Variants in GRIK1 observed in about 807,000 individuals in gnomAD.
GRIK1 encodes glutamate ionotropic receptor kainate type subunit 1.
GRIK1 carries 69 observed loss-of-function variants against 105.7 expected under a neutral mutation model. The observed-to-expected ratio is 0.65, with a 90% CI of 0.54 to 0.80. GRIK1 has a LOEUF of 0.80. Ranked by LOEUF, GRIK1 falls within the 30% of genes least tolerant of loss-of-function variation. The pLI, the probability that GRIK1 is intolerant of heterozygous loss-of-function variation, is 0.00. For missense variants in GRIK1, 1,109 were observed against 1,167.3 expected, an observed-to-expected ratio of 0.95 and a Z score of 0.73; for synonymous variants, 438 against 431.3, an observed-to-expected ratio of 1.02 and a Z score of -0.19.
Position 29,555,095 on chromosome 21 carries a change from C to T in GRIK1, c.2564G>A (p.Gly855Glu). 6.2e-7 allele frequency: 1 copy of T among 1,610,112 alleles called. No individual in the cohort carries two copies. The highest frequency in any genetic ancestry group is 8.5e-7 in the Non-Finnish European group (1 of 1,176,352). ...CTTCCGTGATTTGTATATGAATTCTCCAATAGCTACAAATACAGAAAGGAC... is the reference window on the plus strand; with the variant it reads ...CTTCCGTGATTTGTATATGAATTCTTCAATAGCTACAAATACAGAAAGGAC... ...GLVLSVFVAI[G>E]EFIYKSRKNN... Residue 855 changes from glycine (G) to glutamate (E), a missense_variant, in exon 16 of 18, where the codon GGA becomes GAA. By Grantham distance (98) the Gly-to-Glu change is moderately conservative. Transcript: ENST00000327783.
chr21:29,858,087 G>A (rs2068518487), intron 1 of GRIK1, among the ~76,000 whole-genome samples: 1 of 152,092 alleles, frequency 6.6e-6, no homozygotes, highest in Non-Finnish European at 1.5e-5. Flanking sequence ...TTTTAGTAGA[G>A]AAGGGTTTCA....
chr21:29,918,106 A>G (rs1435151959), intron 1 of GRIK1, among the ~76,000 whole-genome samples: 1 of 152,078 alleles, frequency 6.6e-6, no homozygotes, highest in Non-Finnish European at 1.5e-5. Flanking sequence ...GAACCTGGTT[A>G]TATAATTTAT....
At chr21:29,591,978 G>T (rs756263084) in intron 9 of GRIK1, among the ~76,000 whole-genome samples, 1 of 152,182 alleles carries the variant, frequency 6.6e-6, no homozygotes, top group Non-Finnish European at 1.5e-5. Flanking sequence ...TTGGGTTCAG[G>T]AAGTCAAGAT....
At chr21:29,866,171 A>G (rs548581475) in intron 1 of GRIK1, among the ~76,000 whole-genome samples, 13 of 152,118 alleles carry the variant, frequency 8.5e-5, no homozygotes, top group East Asian at 1.9e-4. Context: ...GGTTCAATCA[A>G]TCTCCCATCT....
chr21:29,640,296 G>A (rs1427166942), intron 7 of GRIK1, among the ~76,000 whole-genome samples: 1 of 152,012 alleles, frequency 6.6e-6, no homozygotes, highest in Non-Finnish European at 1.5e-5. Flanking sequence ...TTTCTCTTTT[G>A]CATGTTTTAG....
chr21:29,846,878 T>C (rs1252984799), intron 1 of GRIK1, among the ~76,000 whole-genome samples: 1 of 152,210 alleles, frequency 6.6e-6, no homozygotes, highest in Non-Finnish European at 1.5e-5. Context: ...AGTTTTCATA[T>C]GTATATGTAT....
In GRIK1 at chr21:29,710,388, A is replaced by C. The variant is rs2146810387; in HGVS notation, c.119-16325T>G. Among the ~76,000 whole-genome samples the C allele has an allele frequency of 2.7e-5, 4 of 146,986 alleles. 1 individual carries two copies. The highest frequency in any genetic ancestry group is 2.7e-4 in the Admixed American group (4 of 14,876). The stretch of plus-strand genomic sequence containing the variant: ...TCATTAGGTTATCTAAGCTTAATAA[A>C]ATGTAAAGGATAGTTTTCTATCCTG... On this transcript the variant is annotated intron_variant, in intron 1 of 17. Transcript: ENST00000327783.
rs58311515 is a variant in GRIK1, at chr21:29,622,190, AC to A, written c.1098+20635del. Among the ~76,000 whole-genome samples, 1,261 of 151,984 alleles carry A rather than the reference AC, an allele frequency of 8.3e-3. 12 individuals carry two copies. The highest frequency in any genetic ancestry group is 0.029 in the African/African-American group (1,199 of 41,464). On this transcript the variant is annotated intron_variant, in intron 7 of 17. Coordinates refer to ENST00000327783, the MANE Select transcript of GRIK1 (RefSeq NM_001330994.2). ...TCAAACTCCTGACCTCAGGTGATCC[AC>A]CCGTCTCAGCCTCCCAAAGTGCTGG...
chr21:29,537,334 G>C lies in GRIK1; in HGVS notation c.2746C>G (p.Gln916Glu), dbSNP rs750867450. The C allele has an allele frequency of 6.2e-7, 1 of 1,610,384 alleles. No homozygotes were observed. Among genetic ancestry groups the C allele is most frequent in the East Asian group, 2.2e-5 (1 of 44,718 alleles). The change falls in exon 18 of 18, where the codon CAG becomes GAG. Residue 916 changes from glutamine to glutamate, a missense_variant. Gln to Glu is a conservative substitution (Grantham distance 29, BLOSUM62 2). Around this residue, in one of 5 missense-constraint regions of GRIK1, gnomAD observed 161 missense variants for 143.4 expected, o/e 1.12. Transcript: ENST00000327783. ...MEELGISLKNQKKIKKKSRTK... is the reference protein window; with the variant it reads ...MEELGISLKNEKKIKKKSRTK... ...CTTGACTTTTTCTTTATTTTTTTCT[G>C]ATTCTTCAGTGAGATTCCCAGTTCT...
intron 1 of GRIK1, among the ~76,000 whole-genome samples, chr21:29,898,556 A>T (rs2070263245): frequency 6.6e-6 from 1 of 152,142 alleles, no homozygotes; most frequent in African/African-American, 2.4e-5. Context: ...CTGGAAAAAG[A>T]TCTCCCCGTT....
intron 1 of GRIK1, among the ~76,000 whole-genome samples, chr21:29,725,007 T>TAA (rs76948130): frequency 8.8e-4 from 99 of 112,094 alleles, no homozygotes; most frequent in African/African-American, 1.6e-3. Context: ...CTTTGCCACC[T>TAA]AAAAAAAAAA....
At chr21:29,633,065 T>A (rs1403376907) in intron 7 of GRIK1, among the ~76,000 whole-genome samples, 3 of 152,186 alleles carry the variant, frequency 2.0e-5, no homozygotes, top group Non-Finnish European at 4.4e-5. Context: ...GCGTTAGGAA[T>A]CTTATAAAGG....
At chr21:29,800,101 C>T (rs140110013) in intron 1 of GRIK1, among the ~76,000 whole-genome samples, 192 of 152,316 alleles carry the variant, frequency 1.3e-3, no homozygotes, top group African/African-American at 4.3e-3. Context: ...AGAATTTAGA[C>T]AGTTCCTTTT....
chr21:29,835,446 T>G (rs1019370290), intron 1 of GRIK1, among the ~76,000 whole-genome samples: 4 of 152,190 alleles, frequency 2.6e-5, no homozygotes, highest in Non-Finnish European at 5.9e-5. Context: ...GTTTCTCACA[T>G]GCTTTTATAT....
rs1469312630 is a variant in GRIK1, at chr21:29,591,169, C to A, written c.1308G>T (p.Lys436Asn). 1 of 1,612,414 alleles carries A rather than the reference C, an allele frequency of 6.2e-7. No individual in the cohort carries two copies. The highest frequency in any genetic ancestry group is 1.7e-5 in the Admixed American group (1 of 60,018). The stretch of plus-strand genomic sequence containing the variant: ...CCAATGAATCAGTGATATTGCTGGA[C>A]TTGTCTTTGTTGCTGTCCGTCATGT... ...GLNMTDSNKD[K>N]SSNITDSLAN... The change falls in exon 10 of 18, where the codon AAG becomes AAT. Residue 436 changes from lysine (K) to asparagine (N), a missense_variant. Physicochemically the swap from Lys to Asn is moderately conservative, Grantham distance 94 (BLOSUM62 0). Around this residue, in one of 5 missense-constraint regions of GRIK1, gnomAD observed 612 missense variants for 586.0 expected, o/e 1.04. Transcript: ENST00000327783.
Position 29,872,418 on chromosome 21 carries a change from C to T in GRIK1, c.118+66965G>A, listed in dbSNP as rs184303486. 1.4e-3 allele frequency among the ~76,000 whole-genome samples: 219 copies of T among 152,162 alleles called. 1 individual carries two copies. Among genetic ancestry groups the T allele is most frequent in the South Asian group, 7.0e-3 (34 of 4,826 alleles). On this transcript the variant is annotated intron_variant, in intron 1 of 17. Transcript: ENST00000327783. ...TCATGTTAGCCAGGATGGTCTCGAT[C>T]TCCTGACCTTGTGATCCGCCCGCCT...
At chr21:29,603,038 T>C (rs907671347) in intron 7 of GRIK1, among the ~76,000 whole-genome samples, 1 of 152,140 alleles carries the variant, frequency 6.6e-6, no homozygotes, top group African/African-American at 2.4e-5. Flanking sequence ...CATTTCCCTG[T>C]CCCACCAACT....
At chr21:29,631,521 A>G (rs986294410) in intron 7 of GRIK1, among the ~76,000 whole-genome samples, 2 of 152,238 alleles carry the variant, frequency 1.3e-5, no homozygotes, top group African/African-American at 4.8e-5. Context: ...ACTATGAGAA[A>G]TAAATGCCTT....
chr21:29,788,151 G>C (rs1283868603), intron 1 of GRIK1, among the ~76,000 whole-genome samples: 3 of 152,200 alleles, frequency 2.0e-5, no homozygotes, highest in Non-Finnish European at 4.4e-5. Flanking sequence ...TCAATGAACG[G>C]TGAAAGATGA....
Sources: allele counts gnomAD v4.1 joint callset (sites outside exome capture counted in the v4.1 genomes callset), GRCh38; gene constraint gnomAD v4.1.1; regional missense constraint gnomAD v4.1.1; transcripts MANE v1.5; gene names NCBI Gene and HGNC (gene_info 2026-07-23, HGNC 2026-07-21).